Variants in EPHA3 observed in about 807,000 individuals in gnomAD.
EPHA3 encodes the protein EPH receptor A3.
Under a neutral mutation model 107.1 loss-of-function variants are expected in EPHA3, and 42 were observed. That is an observed-to-expected ratio of 0.39 (90% CI 0.31 to 0.51). EPHA3 has a LOEUF of 0.51. EPHA3 is among the 20% of genes least tolerant of loss of function. EPHA3 has a pLI of 0.78. For synonymous variants in EPHA3, 461 were observed against 424.8 expected (o/e 1.09, Z -1.05); for missense variants, 1,183 against 1,211.2 (o/e 0.98, Z 0.35).
At chr3:89,438,098 TTTTTG>T (rs557419210) in intron 13 of EPHA3, among the ~76,000 whole-genome samples, 4 of 152,042 alleles carry the variant, frequency 2.6e-5, no homozygotes, top group African/African-American at 7.2e-5. Context: ...CATTTTTGTT[TTTTTG>T]TTTTGTTTTG....
intron 1 of EPHA3, among the ~76,000 whole-genome samples, chr3:89,125,965 AATTT>A (rs1433611014): frequency 4.6e-5 from 7 of 151,802 alleles, no homozygotes; most frequent in African/African-American, 1.7e-4. Flanking sequence ...TCAAATACAC[AATTT>A]ATTTTTCTTA....
In EPHA3 at chr3:89,198,163, T is replaced by G. The variant is rs551316048; in HGVS notation, c.154-11697T>G. 1.3e-4 allele frequency among the ~76,000 whole-genome samples: 20 copies of G among 152,260 alleles called. No homozygotes were observed. The South Asian group carries it at 4.1e-3, about 32-fold the overall frequency. ...GAATAATAAATAGACAAACTTTGAA[T>G]TTAAAATACATTTATATTATTTTAT... On this transcript the variant is annotated intron_variant, in intron 2 of 16. Coordinates refer to ENST00000336596, the MANE Select transcript of EPHA3 (RefSeq NM_005233.6).
chr3:89,396,378 G>A (rs1405276859), intron 6 of EPHA3, among the ~76,000 whole-genome samples: 3 of 151,964 alleles, frequency 2.0e-5, no homozygotes, highest in Admixed American at 6.6e-5. Flanking sequence ...GCAACATTGT[G>A]CTAGTAAGAA....
chr3:89,345,480 T>C (rs1209904479), intron 5 of EPHA3, among the ~76,000 whole-genome samples: 1 of 151,266 alleles, frequency 6.6e-6, no homozygotes, highest in Non-Finnish European at 1.5e-5. Context: ...TTCTCCTAGA[T>C]TAATAATTTA....
chr3:89,294,973 G>T (rs184194000), intron 3 of EPHA3, among the ~76,000 whole-genome samples: 1 of 152,168 alleles, frequency 6.6e-6, no homozygotes, highest in East Asian at 1.9e-4. Context: ...AAAACAGTTT[G>T]ATCCTTGTGA....
chr3:89,377,391 C>A (rs1708422399), intron 5 of EPHA3, among the ~76,000 whole-genome samples: 3 of 152,064 alleles, frequency 2.0e-5, no homozygotes, highest in African/African-American at 7.2e-5. Context: ...ATTTCAGGAT[C>A]TCCTTTTAGA....
intron 3 of EPHA3, among the ~76,000 whole-genome samples, chr3:89,339,199 T>C (rs894182510): frequency 1.3e-5 from 2 of 151,834 alleles, no homozygotes; most frequent in Non-Finnish European, 2.9e-5. Context: ...GGTGAAACTC[T>C]GTCTCTACTA....
chr3:89,132,299 G>A (rs1399297864), intron 2 of EPHA3, among the ~76,000 whole-genome samples: 1 of 152,150 alleles, frequency 6.6e-6, no homozygotes, highest in Non-Finnish European at 1.5e-5. Context: ...TGTTATTTAA[G>A]CCACTCTTAG....
At chr3:89,423,768 G>C (rs574517002) in intron 11 of EPHA3, among the ~76,000 whole-genome samples, 71 of 151,426 alleles carry the variant, frequency 4.7e-4, no homozygotes, top group African/African-American at 1.7e-3. Flanking sequence ...TGGATGAATA[G>C]GCCATTTTGA....
chr3:89,155,285 G>A (rs1276528812), intron 2 of EPHA3, among the ~76,000 whole-genome samples: 1 of 151,870 alleles, frequency 6.6e-6, no homozygotes, highest in East Asian at 1.9e-4. Context: ...GCCTATCTGC[G>A]TCATTTAAAA....
intron 1 of EPHA3, among the ~76,000 whole-genome samples, chr3:89,125,111 C>T (rs1704065200): frequency 6.6e-6 from 1 of 151,754 alleles, no homozygotes; most frequent in Admixed American, 6.6e-5. Flanking sequence ...GTTACTAATA[C>T]TGAGATTAAA....
chr3:89,344,325 A>G (rs1300294768), intron 5 of EPHA3, among the ~76,000 whole-genome samples: 2 of 152,188 alleles, frequency 1.3e-5, no homozygotes, highest in African/African-American at 2.4e-5. Context: ...TGGCCCTCCC[A>G]GTTACAAATC....
intron 3 of EPHA3, among the ~76,000 whole-genome samples, chr3:89,264,249 T>C (rs376923121): frequency 6.6e-6 from 1 of 152,120 alleles, no homozygotes; most frequent in African/African-American, 2.4e-5. Context: ...CTGGGATAAG[T>C]ATAGGATAGG....
intron 3 of EPHA3, among the ~76,000 whole-genome samples, chr3:89,319,013 T>C (rs1343622400): frequency 6.6e-6 from 1 of 151,978 alleles, no homozygotes; most frequent in African/African-American, 2.4e-5. Context: ...ATTTTGCTCT[T>C]AGTTATGCTT....
At chr3:89,231,972 C>G (rs1704644189) in intron 3 of EPHA3, among the ~76,000 whole-genome samples, 1 of 152,048 alleles carries the variant, frequency 6.6e-6, no homozygotes, top group South Asian at 2.1e-4. Context: ...TTTTCGTCTT[C>G]CTTCTTTCCT....
rs1280550388 is a variant in EPHA3 at position 89,361,332 on chromosome 3, G to A, written c.1306+19242G>A. On this transcript the variant is annotated intron_variant, in intron 5 of 16. Transcript: ENST00000336596. Reference sequence around the variant, plus strand: ...ATATAGCTTGAAAGTTGATATGAGTGGTGCTTTGTGACAGAACCACAGATG... The same window carrying A: ...ATATAGCTTGAAAGTTGATATGAGTAGTGCTTTGTGACAGAACCACAGATG... Among the ~76,000 whole-genome samples, 4 of 150,552 alleles carry A rather than the reference G, an allele frequency of 2.7e-5. 1 individual carries two copies. Among genetic ancestry groups the A allele is most frequent in the Non-Finnish European group, 5.9e-5 (4 of 67,288 alleles).
intron 5 of EPHA3, among the ~76,000 whole-genome samples, chr3:89,372,103 C>T (rs1708317738): frequency 6.6e-6 from 1 of 151,586 alleles, no homozygotes; most frequent in South Asian, 2.1e-4. Flanking sequence ...TCAATCTGGT[C>T]TGAAACATTC....
intron 3 of EPHA3, among the ~76,000 whole-genome samples, chr3:89,237,668 T>C (rs1363232507): frequency 1.3e-5 from 2 of 152,090 alleles, no homozygotes; most frequent in African/African-American, 2.4e-5. Context: ...TGTAATGTTA[T>C]GTTAGATGAG....
chr3:89,171,525 C>G (rs1705209557), intron 2 of EPHA3, among the ~76,000 whole-genome samples: 1 of 152,136 alleles, frequency 6.6e-6, no homozygotes, highest in Non-Finnish European at 1.5e-5. Flanking sequence ...AGTAATTTTA[C>G]AAACTCTTCT....
Sources: gnomAD v4.1 joint callset for allele counts (sites outside exome capture counted in the v4.1 genomes callset) on GRCh38, gnomAD v4.1.1 for gene constraint, MANE v1.5 for transcripts, NCBI Gene and HGNC (gene_info 2026-07-23, HGNC 2026-07-21) for gene names.